The following UNC79 variants were observed in gnomAD, a reference collection of about 807,000 sequenced individuals.
UNC79 encodes unc-79 subunit of NALCN channel complex.
UNC79 carries 37 observed loss-of-function variants against 283.1 expected under a neutral mutation model. The ratio of observed to expected loss-of-function variants is 0.13; its 90% confidence interval spans 0.10 to 0.17. The LOEUF (loss-of-function observed/expected upper bound fraction) is 0.17, where lower values mean the gene tolerates loss of function less well. Ranked by LOEUF, UNC79 falls within the 10% of genes least tolerant of loss-of-function variation. UNC79 has a pLI of 1.00. For synonymous variants in UNC79, 1,107 were observed against 1,200.2 expected, an observed-to-expected ratio of 0.92 and a Z score of 1.61; for missense variants, 2,272 against 3,211.1, an observed-to-expected ratio of 0.71 and a Z score of 7.07.
intron 32 of UNC79, among the ~76,000 whole-genome samples, chr14:93,638,306 G>T (rs560221109): frequency 1.3e-4 from 20 of 152,316 alleles, no homozygotes; most frequent in African/African-American, 4.8e-4. Context: ...TTTAGTCCCT[G>T]TACTGGATGA....
intron 23 of UNC79, among the ~76,000 whole-genome samples, chr14:93,596,284 A>G (rs1443833546): frequency 6.6e-6 from 1 of 152,224 alleles, no homozygotes; most frequent in East Asian, 1.9e-4. Context: ...ATCAGAGAAG[A>G]CTTTACAAAA....
At chr14:93,681,628 C>T (rs1299782888) in intron 41 of UNC79, among the ~76,000 whole-genome samples, 3 of 152,244 alleles carry the variant, frequency 2.0e-5, no homozygotes, top group East Asian at 1.9e-4. Flanking sequence ...GAAGGCGGAG[C>T]GACTGGTGCT....
intron 38 of UNC79, among the ~76,000 whole-genome samples, chr14:93,658,614 G>C (rs888029062): frequency 6.6e-6 from 1 of 152,172 alleles, no homozygotes; most frequent in Non-Finnish European, 1.5e-5. Flanking sequence ...GAATGGATAG[G>C]TAAGGCATGA....
intron 19 of UNC79, among the ~76,000 whole-genome samples, chr14:93,581,770 G>C (rs977602388): frequency 8.6e-5 from 13 of 151,958 alleles, no homozygotes; most frequent in African/African-American, 2.9e-4. Context: ...GGGATTATAG[G>C]CATGAGCCAC....
intron 4 of UNC79, 47 bp downstream of exon 4, chr14:93,477,775 G>A (rs575899221): frequency 6.4e-7 from 1 of 1,560,156 alleles, no homozygotes; most frequent in South Asian, 1.2e-5. Flanking sequence ...TGTATGATAT[G>A]AATGGAAATT....
intron 7 of UNC79, among the ~76,000 whole-genome samples, chr14:93,498,346 C>T (rs188803853): frequency 1.0e-3 from 153 of 151,648 alleles, no homozygotes; most frequent in African/African-American, 3.4e-3. Flanking sequence ...CCCAGCAGTT[C>T]GGGAGGCCTA....
intron 1 of UNC79, among the ~76,000 whole-genome samples, chr14:93,451,103 G>A (rs2056626473): frequency 6.6e-6 from 1 of 151,082 alleles, no homozygotes; most frequent in Non-Finnish European, 1.5e-5. Context: ...TTATCTTTCT[G>A]ATATTAATAA....
chr14:93,661,289 A>G (rs1473937601), intron 39 of UNC79, among the ~76,000 whole-genome samples: 1 of 152,232 alleles, frequency 6.6e-6, no homozygotes, highest in Non-Finnish European at 1.5e-5. Flanking sequence ...TTAAGTTAAT[A>G]TAAAACAAAA....
At chr14:93,489,991 G>A (rs1156974520) in intron 5 of UNC79, among the ~76,000 whole-genome samples, 1 of 152,206 alleles carries the variant, frequency 6.6e-6, no homozygotes, top group Admixed American at 6.5e-5. Flanking sequence ...GCTGGGTACA[G>A]TGCATGCTGC....
At chr14:93,501,559 G>A (rs923474270) in intron 7 of UNC79, among the ~76,000 whole-genome samples, 7 of 151,818 alleles carry the variant, frequency 4.6e-5, no homozygotes, top group African/African-American at 1.5e-4. Flanking sequence ...GTGATGGTGC[G>A]TGCCTATAAT....
intron 1 of UNC79, among the ~76,000 whole-genome samples, chr14:93,458,305 G>A (rs2181385): frequency 1 from 152,312 of 152,366 alleles, 76,130 homozygotes; most frequent in Middle Eastern, 1. Context: ...TTTCTCATTT[G>A]GCAAAAACAG....
chr14:93,446,637 T>A (rs2056469047), intron 1 of UNC79, among the ~76,000 whole-genome samples: 1 of 152,178 alleles, frequency 6.6e-6, no homozygotes, highest in Non-Finnish European at 1.5e-5. Flanking sequence ...CAAATGATCC[T>A]CCTGCCTTGG....
At chr14:93,679,430 G>T (rs1228432350) in intron 41 of UNC79, among the ~76,000 whole-genome samples, 1 of 151,378 alleles carries the variant, frequency 6.6e-6, no homozygotes, top group Admixed American at 6.7e-5. Context: ...CTGCACTCCA[G>T]CCTGGCAACA....
intron 1 of UNC79, among the ~76,000 whole-genome samples, chr14:93,412,989 A>G (rs1324432273): frequency 6.6e-6 from 1 of 152,200 alleles, no homozygotes; most frequent in Non-Finnish European, 1.5e-5. Context: ...AAAAAAACAC[A>G]GAGTATTATA....
intron 39 of UNC79, among the ~76,000 whole-genome samples, chr14:93,660,158 C>A (rs1448042774): frequency 6.6e-6 from 1 of 152,094 alleles, no homozygotes; most frequent in African/African-American, 2.4e-5. Context: ...ATTTAATATA[C>A]CAACAATGTA....
chr14:93,598,081 GGCTCAAGTGATCCTCCTTC>G (rs2065205626), intron 24 of UNC79, among the ~76,000 whole-genome samples: 1 of 151,976 alleles, frequency 6.6e-6, no homozygotes, highest in Non-Finnish European at 1.5e-5. Flanking sequence ...GAAACTCCTG[GGCTCAAGTGATCCTCCTTC>G]CTCAGCCTCC....
intron 1 of UNC79, among the ~76,000 whole-genome samples, chr14:93,380,088 A>G (rs2054636215): frequency 6.6e-6 from 1 of 152,118 alleles, no homozygotes; most frequent in Non-Finnish European, 1.5e-5. Flanking sequence ...TTAAAGACAC[A>G]ACATAAGTAA....
Position 93,690,330 on chromosome 14 carries a change from C to A in UNC79, c.7272+27C>A, listed in dbSNP as rs371144558. 1.4e-4 allele frequency: 218 copies of A among 1,595,218 alleles called. No homozygotes were observed. In the South Asian group the frequency reaches 2.1e-3, roughly 16 times the overall value. ...TAAGTGATTTCTGCAAGATTAAGAC[C>A]GTATGCATCGCAATTGCTAATGGAA... On this transcript the variant is annotated intron_variant, in intron 45 of 48. Transcript: ENST00000555664. This position sits in a 1 kb window ranked among gnomAD's most constrained non-coding sequence, Gnocchi z 4.3.
intron 44 of UNC79, 140 bp from the exon 48 acceptor site, chr14:93,689,977 A>G: frequency 1.2e-6 from 1 of 829,092 alleles, no homozygotes; most frequent in Non-Finnish European, 1.9e-6. Context: ...TTTTGTTGAC[A>G]CTCAATTGCC....
Sources: gnomAD v4.1 joint callset for allele counts (sites outside exome capture counted in the v4.1 genomes callset) on GRCh38, gnomAD v4.1.1 for gene constraint, Gnocchi (gnomAD v3.1) non-coding constraint, MANE v1.5 for transcripts, NCBI Gene and HGNC (gene_info 2026-07-23, HGNC 2026-07-21) for gene names.